TMCC1: variants seen among roughly 807,000 people sequenced by gnomAD.
TMCC1 encodes the protein transmembrane and coiled-coil domains protein 1.
Under a neutral mutation model 52.4 loss-of-function variants are expected in TMCC1, and 15 were observed. The ratio of observed to expected loss-of-function variants is 0.29; its 90% CI spans 0.19 to 0.44. The LOEUF is 0.44. Among genes scored for constraint, TMCC1 ranks in the 20% least tolerant of loss-of-function variants. TMCC1 has a pLI of 1.00. For synonymous variants in TMCC1, 279 were observed against 301.9 expected, an observed-to-expected ratio of 0.92 and a Z score of 0.79; for missense variants, 503 against 806.0, an observed-to-expected ratio of 0.62 and a Z score of 4.55.
At chr3:129,818,398 TTC>T in intron 4 of TMCC1, among the ~76,000 whole-genome samples, 1 of 151,620 alleles carries the variant, frequency 6.6e-6, no homozygotes, top group South Asian at 2.1e-4. Flanking sequence ...CTTTAAAAGT[TTC>T]TAAGAAACTT....
chr3:129,652,667 C>T (rs1003939329), intron 6 of TMCC1, among the ~76,000 whole-genome samples: 1 of 152,202 alleles, frequency 6.6e-6, no homozygotes, highest in Non-Finnish European at 1.5e-5. Flanking sequence ...TATAGCATCA[C>T]ATGACAGACA....
intron 4 of TMCC1, among the ~76,000 whole-genome samples, chr3:129,747,499 C>A (rs2052083592): frequency 1.3e-5 from 2 of 152,278 alleles, no homozygotes; most frequent in Non-Finnish European, 2.9e-5. Flanking sequence ...GAAACAACCA[C>A]AATATTCCTA....
intron 4 of TMCC1, among the ~76,000 whole-genome samples, chr3:129,712,712 C>T (rs2048795467): frequency 6.6e-6 from 1 of 152,110 alleles, no homozygotes; most frequent in Admixed American, 6.5e-5. Flanking sequence ...CTTAGCCTCT[C>T]AAAATGCTGG....
At chr3:129,852,191 T>G (rs535405370) in intron 2 of TMCC1, among the ~76,000 whole-genome samples, 5 of 152,118 alleles carry the variant, frequency 3.3e-5, no homozygotes, top group African/African-American at 1.2e-4. Flanking sequence ...GTGCAGTGGC[T>G]CATGCCTGTA....
At chr3:129,822,791 G>C (rs1353312320) in intron 4 of TMCC1, among the ~76,000 whole-genome samples, 1 of 152,122 alleles carries the variant, frequency 6.6e-6, no homozygotes, top group Non-Finnish European at 1.5e-5. Flanking sequence ...AGTTTGATTA[G>C]AATTAATCAA....
intron 4 of TMCC1, among the ~76,000 whole-genome samples, chr3:129,779,975 T>C (rs1424835526): frequency 6.6e-6 from 1 of 152,290 alleles, no homozygotes; most frequent in East Asian, 1.9e-4. Flanking sequence ...ATTTCTGATA[T>C]TGAAAAAGCT....
chr3:129,773,951 A>G (rs1176706380), intron 4 of TMCC1, among the ~76,000 whole-genome samples: 1 of 152,210 alleles, frequency 6.6e-6, no homozygotes, highest in Non-Finnish European at 1.5e-5. Flanking sequence ...TAAAAAAACT[A>G]AAATTTAAAA....
At chr3:129,718,061 A>G (rs1361518352) in intron 4 of TMCC1, among the ~76,000 whole-genome samples, 2 of 152,236 alleles carry the variant, frequency 1.3e-5, no homozygotes, top group African/African-American at 4.8e-5. Flanking sequence ...AAAATGGCAA[A>G]TTGCATAACC....
intron 4 of TMCC1, among the ~76,000 whole-genome samples, chr3:129,746,470 T>A (rs924441689): frequency 3.9e-5 from 6 of 152,152 alleles, no homozygotes; most frequent in Non-Finnish European, 8.8e-5. Context: ...TAGTTTTTTT[T>A]AACTATGCAG....
At chr3:129,810,088 A>G (rs2057718180) in intron 4 of TMCC1, among the ~76,000 whole-genome samples, 1 of 152,152 alleles carries the variant, frequency 6.6e-6, no homozygotes, top group African/African-American at 2.4e-5. Context: ...TGGATGCGGT[A>G]GCTCACACCT....
intron 1 of TMCC1, among the ~76,000 whole-genome samples, chr3:129,882,592 G>C (rs1156453545): frequency 2.0e-5 from 3 of 152,186 alleles, no homozygotes; most frequent in African/African-American, 7.2e-5. Flanking sequence ...ATTCATGATA[G>C]CCAAAAAGTG....
rs2086226411 is a variant in TMCC1, at chr3:129,649,936, C to A, written c.*1545G>T. The A allele has an allele frequency of 6.6e-6, 1 of 152,594 alleles. No homozygotes were observed. Among genetic ancestry groups the A allele is most frequent in the African/African-American group, 2.4e-5 (1 of 41,440 alleles). The allele number at this position is 152,594 out of a possible 1,614,324, so 9.5% of individuals were successfully genotyped here. ...TTTCAAAACCATCTATAGAAGTCCA[C>A]TGAGCATAATTAGGTTAGGTTAACA... is the stretch of plus-strand genomic sequence containing the variant. On this transcript the variant is annotated 3_prime_UTR_variant, in exon 7 of 7. Transcript: ENST00000393238.
intron 4 of TMCC1, among the ~76,000 whole-genome samples, chr3:129,801,932 T>C (rs918936295): frequency 6.6e-6 from 1 of 152,236 alleles, no homozygotes; most frequent in Non-Finnish European, 1.5e-5. Flanking sequence ...ATATGTTCTA[T>C]ATGGCTCCTG....
At chr3:129,659,896 A>G (rs2086909784) in intron 5 of TMCC1, among the ~76,000 whole-genome samples, 1 of 152,214 alleles carries the variant, frequency 6.6e-6, no homozygotes. Context: ...TAAAGAGGAA[A>G]TCTACCTACT....
intron 2 of TMCC1, among the ~76,000 whole-genome samples, chr3:129,850,708 A>C (rs1372398008): frequency 6.6e-6 from 1 of 152,220 alleles, no homozygotes; most frequent in Non-Finnish European, 1.5e-5. Context: ...CAGGGGTCTC[A>C]CAGCCTTCAG....
At chr3:129,668,090 A>C (rs2087614740) in intron 5 of TMCC1, among the ~76,000 whole-genome samples, 1 of 152,172 alleles carries the variant, frequency 6.6e-6, no homozygotes, top group South Asian at 2.1e-4. Context: ...CAGGAGGTTG[A>C]GATGGGAGGA....
intron 2 of TMCC1, among the ~76,000 whole-genome samples, chr3:129,878,650 TATAA>T (rs1172466294): frequency 5.9e-5 from 9 of 152,096 alleles, no homozygotes; most frequent in African/African-American, 2.2e-4. Flanking sequence ...AATGTCAAAA[TATAA>T]ATCAGATCAT....
At chr3:129,866,551 A>T (rs1444659681) in intron 2 of TMCC1, among the ~76,000 whole-genome samples, 1 of 151,182 alleles carries the variant, frequency 6.6e-6, no homozygotes, top group Non-Finnish European at 1.5e-5. Flanking sequence ...CTAATTTTTT[A>T]TTTTTAGTAG....
At chr3:129,854,887 T>C (rs1193794745) in intron 2 of TMCC1, among the ~76,000 whole-genome samples, 2 of 152,198 alleles carry the variant, frequency 1.3e-5, no homozygotes, top group Non-Finnish European at 2.9e-5. Context: ...CTAAGTTCCA[T>C]GGGGGAAGGG....
Sources: gnomAD v4.1 joint callset for allele counts (sites outside exome capture counted in the v4.1 genomes callset) on GRCh38, gnomAD v4.1.1 for gene constraint, MANE v1.5 for transcripts, NCBI Gene and HGNC (gene_info 2026-07-23, HGNC 2026-07-21) for gene names.